The following TENM3 variants were observed in gnomAD, a reference collection of about 807,000 sequenced individuals.
TENM3 encodes the protein teneurin transmembrane protein 3.
A neutral mutation model predicts 255.1 loss-of-function variants in TENM3; 63 were observed. The ratio of observed to expected loss-of-function variants is 0.25; its 90% confidence interval spans 0.20 to 0.30. The LOEUF is 0.30. Among genes scored for constraint, TENM3 ranks in the 10% least tolerant of loss-of-function variants. TENM3 has a pLI of 1.00. For synonymous variants in TENM3, 1,306 were observed against 1,322.3 expected (o/e 0.99, Z 0.27); for missense variants, 2,929 against 3,461.1 (o/e 0.85, Z 3.86).
the TENM3 span, among the ~76,000 whole-genome samples, chr4:182,006,401 A>G: frequency 6.6e-6 from 1 of 152,094 alleles, no homozygotes; most frequent in South Asian, 2.1e-4. Flanking sequence ...CCTCAGTTTC[A>G]GAGCTTGTTA....
intron 26 of TENM3, among the ~76,000 whole-genome samples, chr4:182,795,225 C>A (rs1766414188): frequency 6.6e-6 from 1 of 152,162 alleles, no homozygotes; most frequent in Admixed American, 6.5e-5. Flanking sequence ...TATTCTCATT[C>A]AGGGTTTTTC....
At chr4:182,038,463 A>G in the TENM3 span, among the ~76,000 whole-genome samples, 2 of 152,210 alleles carry the variant, frequency 1.3e-5, no homozygotes, top group African/African-American at 4.8e-5. Context: ...AGTGGCAGTA[A>G]TTAAGAATAG....
At chr4:182,132,303 C>A in the TENM3 span, among the ~76,000 whole-genome samples, 2 of 151,308 alleles carry the variant, frequency 1.3e-5, no homozygotes, top group African/African-American at 2.4e-5. Context: ...CATGGTGAAA[C>A]CCCGTCTCTA....
intron 7 of TENM3, among the ~76,000 whole-genome samples, chr4:182,676,307 G>T (rs140205790): frequency 6.6e-6 from 1 of 152,292 alleles, no homozygotes; most frequent in Non-Finnish European, 1.5e-5. Flanking sequence ...GAGCCTTATG[G>T]TGAAGTATAC....
the TENM3 span, among the ~76,000 whole-genome samples, chr4:181,732,516 G>A: frequency 5.3e-5 from 8 of 152,146 alleles, no homozygotes; most frequent in African/African-American, 1.7e-4. Context: ...AATGAAAAAG[G>A]ATACCTTTTT....
the TENM3 span, among the ~76,000 whole-genome samples, chr4:181,759,476 G>A: frequency 2.0e-5 from 3 of 152,108 alleles, no homozygotes; most frequent in African/African-American, 7.2e-5. Context: ...ATCATCTCAA[G>A]TGGAACTCAA....
Position 182,801,260 on chromosome 4 carries a change from G to T in TENM3, c.*909G>T, listed in dbSNP as rs1766938627. 6.6e-6 allele frequency: 1 copy of T among 152,440 alleles called. No individual in the cohort carries two copies. Among genetic ancestry groups the T allele is most frequent in the Admixed American group, 6.6e-5 (1 of 15,266 alleles). The allele number at this position is 152,440 out of a possible 1,614,324, so 9.4% of individuals were successfully genotyped here. Reference sequence around the variant, plus strand: ...AGAAGTGTTAATATTTTTGTATTAGGTTGAAAAAATGTGCAAGCTTCTATC... The same window carrying T: ...AGAAGTGTTAATATTTTTGTATTAGTTTGAAAAAATGTGCAAGCTTCTATC... On this transcript the variant is annotated 3_prime_UTR_variant, in exon 28 of 28. Transcript: ENST00000511685.
chr4:181,590,847 A>G, the TENM3 span, among the ~76,000 whole-genome samples: 1 of 152,242 alleles, frequency 6.6e-6, no homozygotes, highest in East Asian at 1.9e-4. Context: ...ATAAAAATTA[A>G]CCAGGTTCAA....
intron 2 of TENM3, among the ~76,000 whole-genome samples, chr4:182,344,953 C>A (rs1423875895): frequency 6.6e-6 from 1 of 152,210 alleles, no homozygotes; most frequent in Non-Finnish European, 1.5e-5. Flanking sequence ...AGTCTCATCT[C>A]AGTGAGCTTG....
At chr4:182,364,372 T>TA (rs1162586872) in intron 3 of TENM3, among the ~76,000 whole-genome samples, 2 of 152,168 alleles carry the variant, frequency 1.3e-5, no homozygotes, top group Non-Finnish European at 2.9e-5. Context: ...TGTATATTTT[T>TA]AAAAAAATAA....
At chr4:182,293,280 T>C (rs757866754) in intron 1 of TENM3, among the ~76,000 whole-genome samples, 2 of 152,140 alleles carry the variant, frequency 1.3e-5, no homozygotes, top group African/African-American at 2.4e-5. Flanking sequence ...GCAGAGGGGA[T>C]TCAAAACCAG....
chr4:182,512,333 A>G (rs2151726430), intron 3 of TENM3, among the ~76,000 whole-genome samples: 1 of 152,328 alleles, frequency 6.6e-6, no homozygotes, highest in African/African-American at 2.4e-5. Context: ...AGAAGATGAC[A>G]GAGTCACCAG....
At chr4:182,587,806 AT>A (rs1746198121) in intron 3 of TENM3, among the ~76,000 whole-genome samples, 2 of 152,294 alleles carry the variant, frequency 1.3e-5, no homozygotes, top group East Asian at 3.9e-4. Context: ...TCTGAAATAA[AT>A]TTAAGTTGGA....
the TENM3 span, among the ~76,000 whole-genome samples, chr4:181,511,958 C>T: frequency 6.6e-6 from 1 of 152,090 alleles, no homozygotes; most frequent in South Asian, 2.1e-4. Flanking sequence ...TTAGGGTGCC[C>T]AGCATCACTC....
intron 13 of TENM3, among the ~76,000 whole-genome samples, chr4:182,719,740 T>C (rs1245314398): frequency 6.6e-6 from 1 of 151,948 alleles, no homozygotes; most frequent in Non-Finnish European, 1.5e-5. Context: ...ATTAGATAAA[T>C]AAGCAAAAGA....
the TENM3 span, among the ~76,000 whole-genome samples, chr4:181,580,356 C>T: frequency 6.6e-6 from 1 of 152,138 alleles, no homozygotes; most frequent in Admixed American, 6.5e-5. Context: ...GACTGAGAGG[C>T]TCCTGGGCAT....
chr4:182,488,937 G>A (rs1169904011), intron 3 of TENM3, among the ~76,000 whole-genome samples: 1 of 152,010 alleles, frequency 6.6e-6, no homozygotes, highest in Non-Finnish European at 1.5e-5. Context: ...GTCATTTGCA[G>A]CTGCTGAAAA....
chr4:182,713,698 T>TA (rs1252642780), intron 12 of TENM3, among the ~76,000 whole-genome samples: 1 of 152,206 alleles, frequency 6.6e-6, no homozygotes, highest in Non-Finnish European at 1.5e-5. Context: ...AAATGACCAG[T>TA]AATGTTTAAA....
chr4:182,462,663 G>C lies in TENM3; in HGVS notation c.511+115734G>C, dbSNP rs189792828. ...TTTACTTGATATGGCCAGGTGGACG[G>C]ATCACCTGAGGTCAGGAGTTGGCGA... On this transcript the variant is annotated intron_variant, in intron 3 of 27. Coordinates refer to ENST00000511685, the MANE Select transcript of TENM3 (RefSeq NM_001080477.4). 3.3e-5 allele frequency among the ~76,000 whole-genome samples: 5 copies of C among 151,982 alleles called. No homozygotes were observed. In the East Asian group the frequency reaches 9.8e-4, roughly 30 times the overall value.
Sources: allele counts gnomAD v4.1 joint callset (sites outside exome capture counted in the v4.1 genomes callset), GRCh38; gene constraint gnomAD v4.1.1; transcripts MANE v1.5; gene names NCBI Gene and HGNC (gene_info 2026-07-23, HGNC 2026-07-21).